CCDC171: variants seen among roughly 807,000 people sequenced by gnomAD.
The protein encoded by CCDC171 is coiled-coil domain containing 171, also known as coiled-coil domain-containing protein 171.
Under a neutral mutation model 168.2 loss-of-function variants are expected in CCDC171, and 177 were observed. The observed-to-expected ratio is 1.05, with a 90% CI of 0.93 to 1.19. CCDC171 has a LOEUF of 1.19. Ranked by LOEUF, CCDC171 falls within the 50% of genes most tolerant of loss-of-function variation. CCDC171 has a pLI of 0.00. For missense variants in CCDC171, 1,991 were observed against 1,539.0 expected (o/e 1.29, Z -4.91); for synonymous variants, 687 against 540.8 (o/e 1.27, Z -3.75).
At chr9:16,041,677 G>A (rs1833574877), upstream of CCDC171, among the ~76,000 whole-genome samples, 1 of 152,200 alleles carries the variant, frequency 6.6e-6, no homozygotes, top group Non-Finnish European at 1.5e-5. Flanking sequence ...TTTGGATATT[G>A]AAAATAAGAG....
At chr9:16,096,360 C>G in the CCDC171 span, among the ~76,000 whole-genome samples, 1 of 152,308 alleles carries the variant, frequency 6.6e-6, no homozygotes, top group African/African-American at 2.4e-5. Context: ...TACCCCACAC[C>G]TCTGCACTCA....
At chr9:15,993,793 A>G (rs1832283445) in intron 3 of CCDC171, among the ~76,000 whole-genome samples, 1 of 152,252 alleles carries the variant, frequency 6.6e-6, no homozygotes. Flanking sequence ...ATGAACAGAC[A>G]CTTCTCAAAA....
At chr9:15,807,573 C>G (rs577252963) in intron 21 of CCDC171, among the ~76,000 whole-genome samples, 1 of 152,174 alleles carries the variant, frequency 6.6e-6, no homozygotes, top group East Asian at 1.9e-4. Context: ...CTTGAGGGGA[C>G]TTGAGTGATT....
rs188804842 is a variant in CCDC171 at position 15,689,508 on chromosome 9, C to T, written c.1216-5727C>T. Among the ~76,000 whole-genome samples, 333 of 152,190 alleles carry T rather than the reference C, an allele frequency of 2.2e-3. 1 individual carries two copies. The highest frequency in any genetic ancestry group is 6.8e-3 in the Middle Eastern group (2 of 294). On this transcript the variant is annotated intron_variant, in intron 10 of 25. Transcript: ENST00000380701. ...GGCAGATCACTTGAGGTCTGGAGTT[C>T]GAGACCAGCCTGGCCAACATGGTGA...
At chr9:15,783,160 T>A (rs530151188) in intron 20 of CCDC171, among the ~76,000 whole-genome samples, 1 of 152,204 alleles carries the variant, frequency 6.6e-6, no homozygotes, top group Admixed American at 6.5e-5. Context: ...AACTGAGTGC[T>A]TATGTATTAT....
intron 1 of CCDC171, among the ~76,000 whole-genome samples, chr9:16,057,256 C>A (rs1315878533): frequency 6.6e-6 from 1 of 152,114 alleles, no homozygotes; most frequent in African/African-American, 2.4e-5. Context: ...GTTCAGTTCC[C>A]AAAGTCACGA....
intron 1 of CCDC171, among the ~76,000 whole-genome samples, chr9:16,054,862 A>G (rs2133076944): frequency 6.6e-6 from 1 of 152,254 alleles, no homozygotes; most frequent in Middle Eastern, 3.4e-3. Context: ...CATTGTTGTG[A>G]CAACCCAGAC....
chr9:15,738,619 G>A (rs1009101937), intron 16 of CCDC171, among the ~76,000 whole-genome samples: 10 of 151,696 alleles, frequency 6.6e-5, no homozygotes, highest in Non-Finnish European at 1.3e-4. Flanking sequence ...GAAAACATTC[G>A]ATTTTTTTTT....
chr9:15,844,756 T>C (rs935200598), intron 21 of CCDC171, among the ~76,000 whole-genome samples: 12 of 152,074 alleles, frequency 7.9e-5, no homozygotes, highest in Non-Finnish European at 1.8e-4. Flanking sequence ...GATTTAGCTA[T>C]GTAGTAGAAA....
chr9:15,927,521 A>G (rs1826026696), intron 25 of CCDC171, among the ~76,000 whole-genome samples: 1 of 151,700 alleles, frequency 6.6e-6, no homozygotes, highest in Non-Finnish European at 1.5e-5. Context: ...TTTCCACTGT[A>G]TGTTTAAGCA....
At chr9:15,807,617 C>T (rs909591308) in intron 21 of CCDC171, among the ~76,000 whole-genome samples, 1 of 151,946 alleles carries the variant, frequency 6.6e-6, no homozygotes, top group Non-Finnish European at 1.5e-5. Flanking sequence ...AAATTGCTTA[C>T]TACTTTGCTC....
intron 23 of CCDC171, among the ~76,000 whole-genome samples, chr9:15,864,842 A>G (rs2061709226): frequency 6.6e-6 from 1 of 152,086 alleles, no homozygotes; most frequent in African/African-American, 2.4e-5. Context: ...AAATGTGAAG[A>G]AGAAGCTAAT....
chr9:15,757,088 C>G (rs1588326095), intron 18 of CCDC171, among the ~76,000 whole-genome samples: 1 of 152,038 alleles, frequency 6.6e-6, no homozygotes, highest in South Asian at 2.1e-4. Flanking sequence ...GAAAAGATAC[C>G]TGAAAATGTG....
At position 15,960,495 on chromosome 9, in the gene CCDC171, A is replaced by G. The variant is rs542819932; in HGVS notation, c.3754-11114A>G. Reference sequence around the variant, plus strand: ...ATGGAATTGATAATATAGGGAGTCAATTCCTGAAATAAAGCCTAGGGGTAT... The same window carrying G: ...ATGGAATTGATAATATAGGGAGTCAGTTCCTGAAATAAAGCCTAGGGGTAT... On this transcript the variant is annotated intron_variant, in intron 25 of 25. Coordinates refer to ENST00000380701, the MANE Select transcript of CCDC171 (RefSeq NM_173550.4). Among the ~76,000 whole-genome samples the G allele has an allele frequency of 3.3e-5, 5 of 152,302 alleles. No individual in the cohort carries two copies. The South Asian group carries it at 1.0e-3, about 32-fold the overall frequency.
the CCDC171 span, among the ~76,000 whole-genome samples, chr9:16,078,953 T>C: frequency 3.9e-5 from 6 of 152,180 alleles, no homozygotes; most frequent in Admixed American, 3.9e-4. Flanking sequence ...AGCTCGGCCT[T>C]GAAGGGGTCA....
At chr9:15,909,749 T>C (rs1373895831) in intron 24 of CCDC171, among the ~76,000 whole-genome samples, 1 of 152,202 alleles carries the variant, frequency 6.6e-6, no homozygotes, top group African/African-American at 2.4e-5. Context: ...AGAGTAACTT[T>C]TTGATAATGA....
chr9:15,796,703 C>T (rs2058573724), intron 21 of CCDC171, among the ~76,000 whole-genome samples: 2 of 152,138 alleles, frequency 1.3e-5, no homozygotes, highest in African/African-American at 4.8e-5. Context: ...GCAAGTATGC[C>T]CTCAGGCAAG....
chr9:15,699,467 T>G (rs1334151409), intron 11 of CCDC171, among the ~76,000 whole-genome samples: 2 of 152,126 alleles, frequency 1.3e-5, no homozygotes, highest in African/African-American at 4.8e-5. Context: ...TTTTATTCTC[T>G]TATCCGGCCC....
Position 15,819,059 on chromosome 9 carries a change from A to T in CCDC171, c.3268-27643A>T, listed in dbSNP as rs1208764218. Among the ~76,000 whole-genome samples the T allele has an allele frequency of 5.1e-5, 6 of 116,792 alleles. 2 individuals are homozygous for T. The highest frequency in any genetic ancestry group is 1.9e-4 in the African/African-American group (6 of 30,962). The allele number at this position is 116,792 out of a possible 152,430, so 76.6% of individuals were successfully genotyped here. On this transcript the variant is annotated intron_variant, in intron 21 of 25. Transcript: ENST00000380701. ...ATATTCAACATTCTTAAAGAAAAGA[A>T]TTTTCAACCCAGAATTTCATATCCA...
Sources: allele counts gnomAD v4.1 joint callset (sites outside exome capture counted in the v4.1 genomes callset), GRCh38; gene constraint gnomAD v4.1.1; transcripts MANE v1.5; gene names NCBI Gene and HGNC (gene_info 2026-07-23, HGNC 2026-07-21).